Variants in B3GALT1 observed in about 807,000 individuals in gnomAD.
The protein encoded by B3GALT1 is UDP-Gal:betaGlcNAc beta 1,3-galactosyltransferase, polypeptide 1.
A neutral mutation model predicts 23.2 loss-of-function variants in B3GALT1; 10 were observed. That is an observed-to-expected ratio of 0.43 (90% CI 0.27 to 0.73). The LOEUF is 0.73. B3GALT1 is among the 30% of genes least tolerant of loss of function. The pLI, the probability that B3GALT1 is intolerant of heterozygous loss-of-function variation, is 0.21. For synonymous variants in B3GALT1, 156 were observed against 141.5 expected (o/e 1.10, Z -0.73); for missense variants, 299 against 405.4 (o/e 0.74, Z 2.25).
chr2:167,502,621 C>T (rs1046312924), intron 2 of B3GALT1, among the ~76,000 whole-genome samples: 3 of 151,970 alleles, frequency 2.0e-5, no homozygotes, highest in African/African-American at 7.3e-5. Context: ...GGGGAAGTGC[C>T]ACACACTTTT....
At chr2:167,305,480 C>T (rs941638210) in intron 1 of B3GALT1, among the ~76,000 whole-genome samples, 2 of 152,050 alleles carry the variant, frequency 1.3e-5, no homozygotes, top group Non-Finnish European at 2.9e-5. Context: ...CACACGTGTA[C>T]AAGAAACTAA....
At chr2:167,653,480 G>C (rs768181195) in intron 3 of B3GALT1, among the ~76,000 whole-genome samples, 12 of 152,100 alleles carry the variant, frequency 7.9e-5, no homozygotes, top group Non-Finnish European at 1.8e-4. Context: ...CTGAGAACCT[G>C]CTTGAGCTGC....
At chr2:167,484,099 A>T (rs930356350) in intron 1 of B3GALT1, among the ~76,000 whole-genome samples, 2 of 152,182 alleles carry the variant, frequency 1.3e-5, no homozygotes, top group African/African-American at 4.8e-5. Context: ...AAGTTGGATG[A>T]CCTCTTCTGA....
intron 2 of B3GALT1, among the ~76,000 whole-genome samples, chr2:167,512,624 G>GTATATATA (rs202089193): frequency 4.0e-5 from 2 of 49,672 alleles, no homozygotes; most frequent in East Asian, 4.6e-3. Context: ...ATATATACGT[G>GTATATATA]TATATATATA....
At chr2:167,842,495 T>G (rs1006810284) in intron 4 of B3GALT1, among the ~76,000 whole-genome samples, 3 of 152,198 alleles carry the variant, frequency 2.0e-5, no homozygotes, top group African/African-American at 4.8e-5. Context: ...GTAAAGACAA[T>G]AGTAATAACA....
chr2:167,562,385 G>T (rs1048363384), intron 2 of B3GALT1, among the ~76,000 whole-genome samples: 38 of 152,284 alleles, frequency 2.5e-4, no homozygotes, highest in African/African-American at 8.7e-4. Flanking sequence ...CATTCCCTTT[G>T]AAAACTGGCA....
chr2:167,669,119 G>A (rs184981945), intron 3 of B3GALT1, among the ~76,000 whole-genome samples: 94 of 151,828 alleles, frequency 6.2e-4, no homozygotes, highest in African/African-American at 2.0e-3. Context: ...ATTCCTTGTT[G>A]TGGTCTGTAT....
chr2:167,866,874 CACTT>C (rs968165265), intron 4 of B3GALT1, among the ~76,000 whole-genome samples: 4 of 152,216 alleles, frequency 2.6e-5, no homozygotes, highest in African/African-American at 9.6e-5. Context: ...TCTTGGGACT[CACTT>C]ACAACCTTTT....
At chr2:167,530,941 T>G (rs1206834022) in intron 2 of B3GALT1, among the ~76,000 whole-genome samples, 3 of 152,194 alleles carry the variant, frequency 2.0e-5, no homozygotes, top group African/African-American at 7.2e-5. Context: ...ACATAATAGG[T>G]GCACTAATGC....
intron 3 of B3GALT1, among the ~76,000 whole-genome samples, chr2:167,674,349 A>T (rs528370110): frequency 7.9e-5 from 12 of 152,190 alleles, no homozygotes; most frequent in Non-Finnish European, 1.6e-4. Context: ...CTATCCCATT[A>T]TAGCTACTAC....
rs545759456 is a variant in B3GALT1, at chr2:167,632,550, A to G, written c.-409-14359A>G. On this transcript the variant is annotated intron_variant, in intron 2 of 4. Transcript: ENST00000392690. ...TTGCATTTCCCTAATGACCAGTGAG[A>G]ATAAGTTTTTTTTTCATATGTTTGT... Among the ~76,000 whole-genome samples the G allele has an allele frequency of 2.0e-5, 3 of 151,976 alleles. No homozygotes were observed. The East Asian group carries it at 5.8e-4, about 30-fold the overall frequency.
intron 2 of B3GALT1, among the ~76,000 whole-genome samples, chr2:167,519,578 T>C (rs887205396): frequency 1.3e-5 from 2 of 152,218 alleles, no homozygotes; most frequent in Admixed American, 1.3e-4. Flanking sequence ...TTTAGGTTTA[T>C]TGTATATATT....
At chr2:167,704,776 A>T (rs1686944171) in intron 3 of B3GALT1, among the ~76,000 whole-genome samples, 1 of 152,206 alleles carries the variant, frequency 6.6e-6, no homozygotes, top group Non-Finnish European at 1.5e-5. Context: ...ATCCACATTC[A>T]TTGGAATATA....
Position 167,807,800 on chromosome 2 carries a change from G to T in B3GALT1, c.-351-10872G>T, listed in dbSNP as rs538643655. 5.0e-3 allele frequency among the ~76,000 whole-genome samples: 756 copies of T among 152,318 alleles called. 7 individuals carry two copies. Among genetic ancestry groups the T allele is most frequent in the Non-Finnish European group, 8.0e-3 (545 of 68,030 alleles). The stretch of plus-strand genomic sequence containing the variant: ...GAAGAATGTATATTCTGTTGATTTG[G>T]GGTAGAGAGTTCTGTAGATATCTAT... On this transcript the variant is annotated intron_variant, in intron 3 of 4. Transcript: ENST00000392690.
chr2:167,762,747 T>A lies in B3GALT1; in HGVS notation c.-351-55925T>A, dbSNP rs140176455. Among the ~76,000 whole-genome samples, 140 of 152,312 alleles carry A rather than the reference T, an allele frequency of 9.2e-4. 1 individual carries two copies. Among genetic ancestry groups the A allele is most frequent in the African/African-American group, 3.1e-3 (127 of 41,584 alleles). On this transcript the variant is annotated intron_variant, in intron 3 of 4. Coordinates refer to ENST00000392690, the MANE Select transcript of B3GALT1 (RefSeq NM_020981.4). Reference sequence around the variant, plus strand: ...GGAGAAAAAACTCCACCAAATTTCCTGAGAGGCTGGAGAGGAATTTGAATT... The same window carrying A: ...GGAGAAAAAACTCCACCAAATTTCCAGAGAGGCTGGAGAGGAATTTGAATT...
intron 3 of B3GALT1, among the ~76,000 whole-genome samples, chr2:167,772,783 C>G (rs1688094712): frequency 6.6e-6 from 1 of 152,198 alleles, no homozygotes; most frequent in African/African-American, 2.4e-5. Flanking sequence ...TCTTCCCAAG[C>G]TCATATAAAC....
rs372208046 is a variant in B3GALT1, at chr2:167,437,230, T to C, written c.-510-52947T>C. Among the ~76,000 whole-genome samples, 5 of 152,216 alleles carry C rather than the reference T, an allele frequency of 3.3e-5. No homozygotes were observed. In the South Asian group the frequency reaches 1.0e-3, roughly 32 times the overall value. Reference sequence around the variant, plus strand: ...GGTAGGGTAAGTGTGTGTTGTGGTCTGGGATGGGCTAAGCTTAGGCCTGAA... The same window carrying C: ...GGTAGGGTAAGTGTGTGTTGTGGTCCGGGATGGGCTAAGCTTAGGCCTGAA... On this transcript the variant is annotated intron_variant, in intron 1 of 4. Coordinates refer to ENST00000392690, the MANE Select transcript of B3GALT1 (RefSeq NM_020981.4).
chr2:167,517,080 CAA>C (rs1368195444), intron 2 of B3GALT1, among the ~76,000 whole-genome samples: 1 of 151,784 alleles, frequency 6.6e-6, no homozygotes, highest in Non-Finnish European at 1.5e-5. Context: ...TCTAACAAAA[CAA>C]AGTCTGGTGT....
At position 167,515,144 on chromosome 2, in the gene B3GALT1, C is replaced by G. The variant is rs543481045; in HGVS notation, c.-410+24867C>G. Among the ~76,000 whole-genome samples, 7 of 152,142 alleles carry G rather than the reference C, an allele frequency of 4.6e-5. No homozygotes were observed. In the South Asian group the frequency reaches 1.5e-3, roughly 32 times the overall value. On this transcript the variant is annotated intron_variant, in intron 2 of 4. Transcript: ENST00000392690. ...CTTCAATGATATAGCATTTAGTCAT[C>G]AAAATAATATTGGGAAACAAAAATA...
Sources: allele counts gnomAD v4.1 joint callset (sites outside exome capture counted in the v4.1 genomes callset), GRCh38; gene constraint gnomAD v4.1.1; transcripts MANE v1.5; gene names NCBI Gene and HGNC (gene_info 2026-07-23, HGNC 2026-07-21).